The following CDH8 variants were observed in gnomAD, a reference collection of about 807,000 sequenced individuals.
CDH8 encodes cadherin 8.
In CDH8, 17 loss-of-function variants were observed where a neutral mutation model predicts 68.1. The observed-to-expected ratio is 0.25, with a 90% CI of 0.17 to 0.37. The LOEUF (loss-of-function observed/expected upper bound fraction) is 0.37, where lower values mean the gene tolerates loss of function less well. Ranked by LOEUF, CDH8 falls within the 10% of genes least tolerant of loss-of-function variation. The probability of loss-of-function intolerance (pLI) is 1.00; values close to 1 mark genes in which losing one functional copy is unlikely to be tolerated. For synonymous variants in CDH8, 372 were observed against 365.1 expected, an observed-to-expected ratio of 1.02 and a Z score of -0.21; for missense variants, 763 against 999.3, an observed-to-expected ratio of 0.76 and a Z score of 3.19.
chr16:61,966,077 G>A (rs193097865), intron 2 of CDH8, among the ~76,000 whole-genome samples: 140 of 152,116 alleles, frequency 9.2e-4, no homozygotes, highest in Non-Finnish European at 1.3e-3. Flanking sequence ...TGATTTTATC[G>A]CAAAAAACTT....
intron 4 of CDH8, among the ~76,000 whole-genome samples, chr16:61,845,174 G>A (rs1242031336): frequency 6.6e-6 from 1 of 151,984 alleles, no homozygotes; most frequent in Admixed American, 6.6e-5. Context: ...TTTGTGTCTA[G>A]GGTTGCTAAT....
intron 2 of CDH8, among the ~76,000 whole-genome samples, chr16:61,936,390 C>T (rs556015539): frequency 6.6e-6 from 1 of 152,212 alleles, no homozygotes; most frequent in South Asian, 2.1e-4. Context: ...TACTGCCAAA[C>T]AACCATGCTA....
At chr16:61,761,415 C>T (rs140200223) in intron 8 of CDH8, among the ~76,000 whole-genome samples, 1 of 152,102 alleles carries the variant, frequency 6.6e-6, no homozygotes, top group Non-Finnish European at 1.5e-5. Flanking sequence ...TTGATGATAA[C>T]TAATTCTGGT....
At position 61,729,995 on chromosome 16, in the gene CDH8, GCA is replaced by G. The variant is rs35622399; in HGVS notation, c.1415-2782_1415-2781del. ...TTTAATATTACATGCACGTGTGCATGCACACACACACACACACTCATATCTAC... is the reference window on the plus strand; with the variant it reads ...TTTAATATTACATGCACGTGTGCATGCACACACACACACACTCATATCTAC... On this transcript the variant is annotated intron_variant, in intron 8 of 11. Transcript: ENST00000577390. Among the ~76,000 whole-genome samples, 428 of 148,868 alleles carry G rather than the reference GCA, an allele frequency of 2.9e-3. 1 individual carries two copies. The highest frequency in any genetic ancestry group is 0.01 in the Middle Eastern group (3 of 290).
chr16:61,737,855 G>C (rs181174320), intron 8 of CDH8, among the ~76,000 whole-genome samples: 5 of 152,166 alleles, frequency 3.3e-5, no homozygotes, highest in Non-Finnish European at 5.9e-5. Flanking sequence ...GCGTTGTGTT[G>C]TACACAGAAG....
intron 7 of CDH8, among the ~76,000 whole-genome samples, chr16:61,797,490 C>A (rs562268442): frequency 3.3e-5 from 5 of 152,186 alleles, no homozygotes; most frequent in African/African-American, 1.2e-4. Context: ...GATGATTTTT[C>A]CAGGAACTAA....
At chr16:61,789,299 T>C in intron 8 of CDH8, 47 bp downstream of exon 8, 1 of 1,562,624 alleles carries the variant, frequency 6.4e-7, no homozygotes, top group Non-Finnish European at 8.7e-7. Context: ...TAAGCATAAA[T>C]TGAACTCAGT....
Position 61,653,487 on chromosome 16 carries a change from T to C in CDH8, c.*121A>G. 2 of 1,486,964 alleles carry C rather than the reference T, an allele frequency of 1.3e-6. No individual in the cohort carries two copies. The highest frequency in any genetic ancestry group is 1.8e-6 in the Non-Finnish European group (2 of 1,119,944). The allele number at this position is 1,486,964 out of a possible 1,614,324, so 92.1% of individuals were successfully genotyped here. Reference sequence around the variant, plus strand: ...GTTCAACATTAAAATGTGGTTGAGTTTATAGATGACTGGTGCTAAACTTGC... The same window carrying C: ...GTTCAACATTAAAATGTGGTTGAGTCTATAGATGACTGGTGCTAAACTTGC... On this transcript the variant is annotated 3_prime_UTR_variant, in exon 12 of 12. Transcript: ENST00000577390.
intron 2 of CDH8, among the ~76,000 whole-genome samples, chr16:61,934,838 G>A (rs747592453): frequency 6.6e-6 from 1 of 152,050 alleles, no homozygotes; most frequent in Non-Finnish European, 1.5e-5. Context: ...ATTGTCACCC[G>A]AAGCTTTTCA....
chr16:61,824,583 G>T (rs1052342825), intron 5 of CDH8, among the ~76,000 whole-genome samples: 2 of 152,010 alleles, frequency 1.3e-5, no homozygotes. Flanking sequence ...GTTGCAGGAA[G>T]AAGGAGTGTA....
intron 2 of CDH8, among the ~76,000 whole-genome samples, chr16:61,903,381 T>C (rs1486862982): frequency 6.6e-6 from 1 of 152,238 alleles, no homozygotes; most frequent in Non-Finnish European, 1.5e-5. Flanking sequence ...TGGAGTGCAG[T>C]GACGCGATCT....
At position 61,908,868 on chromosome 16, in the gene CDH8, C is replaced by T. The variant is rs1352770829; in HGVS notation, c.253-7395G>A. ...AGCTAGGCAATAAGCATACGAATAC[C>T]CCAAAATTTTAGTTAAAATTAAGTT... On this transcript the variant is annotated intron_variant, in intron 2 of 11. Transcript: ENST00000577390. Among the ~76,000 whole-genome samples the T allele has an allele frequency of 3.3e-5, 5 of 152,018 alleles. No individual in the cohort carries two copies. In the South Asian group the frequency reaches 8.3e-4, roughly 25 times the overall value.
intron 2 of CDH8, among the ~76,000 whole-genome samples, chr16:61,908,923 T>C (rs185060421): frequency 8.1e-4 from 123 of 152,250 alleles, no homozygotes; most frequent in Non-Finnish European, 6.2e-4. Flanking sequence ...CATGATCACA[T>C]AGTCTAAGGA....
In CDH8 at chr16:61,697,774, A is replaced by G. The variant is rs1362350059; in HGVS notation, c.1654+16067T>C. On this transcript the variant is annotated intron_variant, in intron 10 of 11. Transcript: ENST00000577390. Reference sequence around the variant, plus strand: ...TCAAAGTGCTGAGATAACAGGCGTAAGCCATTGTGGCCAGCCCCTTCTGGG... The same window carrying G: ...TCAAAGTGCTGAGATAACAGGCGTAGGCCATTGTGGCCAGCCCCTTCTGGG... Among the ~76,000 whole-genome samples the G allele has an allele frequency of 2.0e-5, 3 of 152,348 alleles. No individual in the cohort carries two copies. The East Asian group carries it at 5.8e-4, about 30-fold the overall frequency.
chr16:61,895,069 C>T (rs149762880), intron 3 of CDH8, among the ~76,000 whole-genome samples: 2 of 152,220 alleles, frequency 1.3e-5, no homozygotes, highest in African/African-American at 4.8e-5. Context: ...ATAGTTCTGA[C>T]ATTTTTAAAG....
At chr16:61,832,325 A>C (rs577559926) in intron 4 of CDH8, among the ~76,000 whole-genome samples, 1 of 144,952 alleles carries the variant, frequency 6.9e-6, no homozygotes, top group Admixed American at 7.2e-5. Context: ...AGGAAGACAG[A>C]TAGATAATAG....
At chr16:61,759,009 G>A (rs1352407141) in intron 8 of CDH8, among the ~76,000 whole-genome samples, 2 of 152,074 alleles carry the variant, frequency 1.3e-5, no homozygotes, top group Non-Finnish European at 2.9e-5. Context: ...AATGGAACAT[G>A]AGGCATAAAT....
chr16:61,743,500 A>G (rs66850369), intron 8 of CDH8: 23,932 of 152,234 alleles, frequency 0.16, 3,054 homozygotes, highest in African/African-American at 0.35. Context: ...TTGAATCTCT[A>G]TAGAAGTTGT....
intron 7 of CDH8, among the ~76,000 whole-genome samples, chr16:61,800,662 C>A: frequency 6.6e-6 from 1 of 152,236 alleles, no homozygotes; most frequent in South Asian, 2.1e-4. Context: ...TCAGCTAGAC[C>A]CGTCCCATTC....
Sources: gnomAD v4.1 joint callset for allele counts (sites outside exome capture counted in the v4.1 genomes callset) on GRCh38, gnomAD v4.1.1 for gene constraint, MANE v1.5 for transcripts, NCBI Gene and HGNC (gene_info 2026-07-23, HGNC 2026-07-21) for gene names.